The following PKP4 variants were observed in gnomAD, a reference collection of about 807,000 sequenced individuals.
PKP4 encodes plakophilin 4, also known as plakophilin-4.
A neutral mutation model predicts 145.1 loss-of-function variants in PKP4; 90 were observed. The ratio of observed to expected loss-of-function variants is 0.62; its 90% CI spans 0.52 to 0.74. The LOEUF (loss-of-function observed/expected upper bound fraction) is 0.74. Among genes scored for constraint, PKP4 ranks in the 30% least tolerant of loss-of-function variants. PKP4 has a pLI of 0.00. For synonymous variants in PKP4, 563 were observed against 577.2 expected (o/e 0.98, Z 0.35); for missense variants, 1,340 against 1,482.7 (o/e 0.90, Z 1.58).
chr2:158,612,181 A>C (rs1236144523), intron 4 of PKP4, among the ~76,000 whole-genome samples: 1 of 152,116 alleles, frequency 6.6e-6, no homozygotes, highest in Non-Finnish European at 1.5e-5. Flanking sequence ...CAGACTGTTA[A>C]CTGTGTTTGT....
At chr2:158,615,391 G>A (rs1484232157) in intron 4 of PKP4, among the ~76,000 whole-genome samples, 1 of 151,916 alleles carries the variant, frequency 6.6e-6, no homozygotes, top group Non-Finnish European at 1.5e-5. Flanking sequence ...TCAGTATTGG[G>A]CAATTTATGT....
intron 1 of PKP4, among the ~76,000 whole-genome samples, chr2:158,464,804 A>G (rs954925655): frequency 5.3e-5 from 8 of 152,240 alleles, no homozygotes; most frequent in Non-Finnish European, 7.3e-5. Context: ...TTGATGAATT[A>G]AAGGTAACTT....
chr2:158,663,395 T>C lies in PKP4; in HGVS notation c.2527T>C (p.Leu843=), dbSNP rs1037838947. The change falls in exon 15 of 22, where the codon TTG becomes CTG. Residue 843 remains leucine, a synonymous_variant. Transcript: ENST00000389759. ...LLAESSNPAT[L]EGSAGSLQNL... ...AGCAGAAAGTTCCAACCCAGCCACCTTGGAAGGCTCTGCAGGGTCTCTCCA... is the reference window on the plus strand; with the variant it reads ...AGCAGAAAGTTCCAACCCAGCCACCCTGGAAGGCTCTGCAGGGTCTCTCCA... The C allele has an allele frequency of 1.2e-6, 2 of 1,614,168 alleles. No homozygotes were observed. Among genetic ancestry groups the C allele is most frequent in the Non-Finnish European group, 1.7e-6 (2 of 1,180,014 alleles).
intron 1 of PKP4, among the ~76,000 whole-genome samples, chr2:158,470,528 A>G (rs1421443587): frequency 6.6e-6 from 1 of 152,214 alleles, no homozygotes. Context: ...TCTGATGACA[A>G]CAAGAACAAA....
intron 9 of PKP4, among the ~76,000 whole-genome samples, chr2:158,634,862 CCTT>C (rs1316346398): frequency 6.8e-6 from 1 of 148,134 alleles, no homozygotes; most frequent in Non-Finnish European, 1.5e-5. Context: ...GACGTTTCCT[CCTT>C]CTGATTTTAT....
rs536675227 is a variant in PKP4, at chr2:158,599,218, A to T, written c.246-3852A>T. Among the ~76,000 whole-genome samples the T allele has an allele frequency of 2.0e-5, 3 of 152,324 alleles. No homozygotes were observed. The South Asian group carries it at 6.2e-4, about 32-fold the overall frequency. On this transcript the variant is annotated intron_variant, in intron 3 of 21. Coordinates refer to ENST00000389759, the MANE Select transcript of PKP4 (RefSeq NM_003628.6). ...AGGATGAGAAATGAAAGCCAGGAAG[A>T]CCAGTTAGGAGAGAGACTGAAAGAA...
intron 2 of PKP4, among the ~76,000 whole-genome samples, chr2:158,567,603 T>G (rs907293834): frequency 2.6e-5 from 4 of 152,184 alleles, no homozygotes; most frequent in Non-Finnish European, 4.4e-5. Context: ...ACAGGCTGAT[T>G]ATGTGGAGTT....
At chr2:158,538,919 A>T (rs1048224923) in intron 2 of PKP4, among the ~76,000 whole-genome samples, 1 of 152,182 alleles carries the variant, frequency 6.6e-6, no homozygotes, top group African/African-American at 2.4e-5. Flanking sequence ...GCCAATCCAG[A>T]TAGCATGAAC....
chr2:158,532,175 TAATAG>T (rs1397741144), intron 1 of PKP4, among the ~76,000 whole-genome samples: 1 of 152,170 alleles, frequency 6.6e-6, no homozygotes, highest in African/African-American at 2.4e-5. Context: ...AAATGAATAA[TAATAG>T]TAGAGTAGTT....
intron 1 of PKP4, among the ~76,000 whole-genome samples, chr2:158,475,311 G>T (rs906233662): frequency 2.0e-5 from 3 of 152,002 alleles, no homozygotes; most frequent in African/African-American, 7.2e-5. Flanking sequence ...CTAGATTGTG[G>T]ACTTTAAAAG....
chr2:158,498,447 CT>C (rs1696072377), intron 1 of PKP4, among the ~76,000 whole-genome samples: 1 of 152,190 alleles, frequency 6.6e-6, no homozygotes, highest in South Asian at 2.1e-4. Context: ...TTGTGAGATG[CT>C]TTAAAAATGT....
At chr2:158,594,283 C>T (rs1243954355) in intron 3 of PKP4, among the ~76,000 whole-genome samples, 1 of 152,138 alleles carries the variant, frequency 6.6e-6, no homozygotes, top group Non-Finnish European at 1.5e-5. Flanking sequence ...AATTCAAGTG[C>T]TCTTGCTTTT....
chr2:158,659,483 A>G (rs979414587), intron 12 of PKP4: 2 of 152,312 alleles, frequency 1.3e-5, no homozygotes, highest in Non-Finnish European at 2.9e-5. Context: ...CCCTGCTCTG[A>G]TGGAACCACA....
intron 3 of PKP4, among the ~76,000 whole-genome samples, chr2:158,595,901 C>T (rs1011700477): frequency 6.6e-6 from 1 of 152,036 alleles, no homozygotes; most frequent in African/African-American, 2.4e-5. Context: ...GCCCAGTTCA[C>T]ATAACTAAGA....
chr2:158,594,412 C>T (rs1352396122), intron 3 of PKP4, among the ~76,000 whole-genome samples: 1 of 152,136 alleles, frequency 6.6e-6, no homozygotes, highest in East Asian at 1.9e-4. Flanking sequence ...TTTTCAGGGG[C>T]AAGGTCATAA....
intron 2 of PKP4, among the ~76,000 whole-genome samples, chr2:158,539,783 A>G (rs2044359173): frequency 6.6e-6 from 1 of 152,194 alleles, no homozygotes; most frequent in Non-Finnish European, 1.5e-5. Context: ...AATGAGGACA[A>G]ATGGCAGAGC....
intron 2 of PKP4, among the ~76,000 whole-genome samples, chr2:158,561,820 G>A (rs2046548576): frequency 6.6e-6 from 1 of 150,700 alleles, no homozygotes. Context: ...TTAAGTTCTA[G>A]GGTACATGTG....
chr2:158,549,328 A>G (rs1216758693), intron 2 of PKP4: 1 of 152,216 alleles, frequency 6.6e-6, no homozygotes. Context: ...ACAGGGGTGG[A>G]TCATATTTTA....
In PKP4 at chr2:158,602,908, C is replaced by T. The variant is rs188941497; in HGVS notation, c.246-162C>T. Among the ~76,000 whole-genome samples, 195 of 152,114 alleles carry T rather than the reference C, an allele frequency of 1.3e-3. 1 individual carries two copies. The highest frequency in any genetic ancestry group is 4.5e-3 in the African/African-American group (187 of 41,526). ...ACAATTTTTGTCCCAATTTTAAATA[C>T]TATCTAAAAATTAACTTAGATAAGT... On this transcript the variant is annotated intron_variant, in intron 3 of 21. Transcript: ENST00000389759.
Sources: allele counts gnomAD v4.1 joint callset (sites outside exome capture counted in the v4.1 genomes callset), GRCh38; gene constraint gnomAD v4.1.1; transcripts MANE v1.5; gene names NCBI Gene and HGNC (gene_info 2026-07-23, HGNC 2026-07-21).